UBA6: variants seen among roughly 807,000 people sequenced by gnomAD.
UBA6 encodes the protein ubiquitin-like modifier-activating enzyme 6.
Under a neutral mutation model 148.3 loss-of-function variants are expected in UBA6, and 87 were observed. That is an observed-to-expected ratio of 0.59 (90% confidence interval 0.49 to 0.70). UBA6 has a LOEUF of 0.70. UBA6 is among the 30% of genes least tolerant of loss of function. The probability of loss-of-function intolerance (pLI) is 0.00; values close to 1 mark genes in which losing one functional copy is unlikely to be tolerated. For synonymous variants in UBA6, 376 were observed against 401.0 expected, an observed-to-expected ratio of 0.94 and a Z score of 0.75; for missense variants, 1,186 against 1,241.2, an observed-to-expected ratio of 0.96 and a Z score of 0.67.
chr4:67,637,439 C>A (rs1270064650), intron 19 of UBA6, among the ~76,000 whole-genome samples: 2 of 152,144 alleles, frequency 1.3e-5, no homozygotes, highest in African/African-American at 4.8e-5. Context: ...GAGGTGTACC[C>A]AACAGCTCAT....
Position 67,614,596 on chromosome 4 carries a change from T to C in UBA6, c.*4401A>G, listed in dbSNP as rs1728591802. 6.6e-6 allele frequency: 1 copy of C among 152,152 alleles called. No homozygotes were observed. The highest frequency in any genetic ancestry group is 1.5e-5 in the Non-Finnish European group (1 of 68,028). 9.4% of individuals were successfully genotyped at this position (152,152 alleles called of 1,614,324 possible). On this transcript the variant is annotated 3_prime_UTR_variant, in exon 33 of 33. Transcript: ENST00000322244. ...ATTCCTCATGAAAAAAATTTAAATATGAAAGGCAAAACTAAAGCTTTAAGA... is the reference window on the plus strand; with the variant it reads ...ATTCCTCATGAAAAAAATTTAAATACGAAAGGCAAAACTAAAGCTTTAAGA...
chr4:67,680,542 T>G (rs1161492054), intron 4 of UBA6, among the ~76,000 whole-genome samples: 1 of 152,216 alleles, frequency 6.6e-6, no homozygotes, highest in Non-Finnish European at 1.5e-5. Flanking sequence ...CGAATTTTAC[T>G]TGGATCCTGA....
chr4:67,623,679 T>G (rs1207286286), intron 30 of UBA6, among the ~76,000 whole-genome samples: 1 of 152,188 alleles, frequency 6.6e-6, no homozygotes, highest in Non-Finnish European at 1.5e-5. Context: ...TTATAGTATT[T>G]TGTACTCTCA....
rs906684551 is a variant in UBA6 at position 67,660,965 on chromosome 4, T to C, written c.1104+1224A>G. 2.4e-4 allele frequency among the ~76,000 whole-genome samples: 36 copies of C among 152,188 alleles called. 1 individual carries two copies. The highest frequency in any genetic ancestry group is 6.8e-4 in the African/African-American group (28 of 41,452). ...TTTTGGAACCTTAAGATTTAATGAT[T>C]GCCCTATGGGATTTTATAGTGCATG... is the stretch of plus-strand genomic sequence containing the variant. On this transcript the variant is annotated intron_variant, in intron 13 of 32. Coordinates refer to ENST00000322244, the MANE Select transcript of UBA6 (RefSeq NM_018227.6).
intron 13 of UBA6, among the ~76,000 whole-genome samples, chr4:67,660,828 G>A (rs562858825): frequency 3.9e-5 from 6 of 152,306 alleles, no homozygotes; most frequent in Admixed American, 3.3e-4. Flanking sequence ...GAAAGCAGTC[G>A]GAAGGGGGGC....
chr4:67,631,180 T>C (rs1300749078), intron 25 of UBA6, among the ~76,000 whole-genome samples: 3 of 152,102 alleles, frequency 2.0e-5, no homozygotes, highest in Admixed American at 6.6e-5. Context: ...GGGCCACATA[T>C]GTGAGACCTT....
intron 10 of UBA6, among the ~76,000 whole-genome samples, chr4:67,664,334 A>C (rs987420407): frequency 1.3e-5 from 2 of 152,084 alleles, no homozygotes; most frequent in Non-Finnish European, 1.5e-5. Flanking sequence ...AAAAAAACCC[A>C]AAACACCCAC....
At chr4:67,631,270 T>C (rs1366357549) in intron 25 of UBA6, among the ~76,000 whole-genome samples, 3 of 152,152 alleles carry the variant, frequency 2.0e-5, no homozygotes, top group Non-Finnish European at 4.4e-5. Flanking sequence ...CTAATGTGTA[T>C]CTAATATAGT....
chr4:67,627,950 T>C (rs1728908632), intron 27 of UBA6, among the ~76,000 whole-genome samples: 1 of 151,480 alleles, frequency 6.6e-6, no homozygotes, highest in Non-Finnish European at 1.5e-5. Context: ...TTTTTTTTTT[T>C]TTTCAATGTA....
chr4:67,656,446 T>C (rs1468759036), intron 13 of UBA6, among the ~76,000 whole-genome samples: 2 of 152,196 alleles, frequency 1.3e-5, no homozygotes, highest in Non-Finnish European at 2.9e-5. Context: ...ATTATCTCAA[T>C]AGGTGCAGAA....
chr4:67,674,302 G>A (rs1730223389), intron 6 of UBA6, among the ~76,000 whole-genome samples: 1 of 152,112 alleles, frequency 6.6e-6, no homozygotes, highest in South Asian at 2.1e-4. Context: ...GTCTCACAAG[G>A]TATGCCATGA....
At chr4:67,688,025 T>C (rs1353029959) in intron 2 of UBA6, among the ~76,000 whole-genome samples, 1 of 152,188 alleles carries the variant, frequency 6.6e-6, no homozygotes, top group Admixed American at 6.5e-5. Flanking sequence ...AAAAGACTGG[T>C]ATTCCGGAAG....
At chr4:67,657,334 C>T (rs1407584760) in intron 13 of UBA6, among the ~76,000 whole-genome samples, 1 of 152,110 alleles carries the variant, frequency 6.6e-6, no homozygotes, top group Non-Finnish European at 1.5e-5. Flanking sequence ...CCAGAACAGA[C>T]ATAGAGACCA....
At chr4:67,626,839 T>C (rs1234884636) in intron 27 of UBA6, among the ~76,000 whole-genome samples, 1 of 151,952 alleles carries the variant, frequency 6.6e-6, no homozygotes, top group Non-Finnish European at 1.5e-5. Context: ...CATACTGATC[T>C]TTTTAAAAAT....
In UBA6 at chr4:67,668,674, C is replaced by T. The variant is rs10010188; in HGVS notation, c.670G>A (p.Ala224Thr). 230,963 of 1,608,384 alleles carry T rather than the reference C, an allele frequency of 0.14. 17,512 individuals are homozygous for T. The highest frequency in any genetic ancestry group is 0.24 in the Middle Eastern group (1,435 of 6,032). ...AGGCAAGTAACAATGCCAGGATTTG[C>T]CTAAAAATAAGAGTAATCTATTAAA... is the stretch of plus-strand genomic sequence containing the variant. ...KEIFISNITQANPGIVTCLEN... is the reference protein window; with the variant it reads ...KEIFISNITQTNPGIVTCLEN... Residue 224 changes from alanine (A) to threonine (T), a missense_variant and splice_region_variant, in exon 9 of 33, where the codon GCA becomes ACA. Coordinates refer to ENST00000322244, the MANE Select transcript of UBA6 (RefSeq NM_018227.6).
intron 2 of UBA6, among the ~76,000 whole-genome samples, chr4:67,683,364 C>T (rs1382429688): frequency 1.3e-5 from 2 of 152,112 alleles, no homozygotes; most frequent in Non-Finnish European, 2.9e-5. Flanking sequence ...TGGACTTATA[C>T]TGATGTCTGC....
At chr4:67,642,524 C>T (rs1729331380) in intron 17 of UBA6, among the ~76,000 whole-genome samples, 1 of 152,052 alleles carries the variant, frequency 6.6e-6, no homozygotes, top group Non-Finnish European at 1.5e-5. Flanking sequence ...ACTGCCCACA[C>T]AACCTAACAT....
chr4:67,653,288 A>G (rs1032659732), intron 13 of UBA6, among the ~76,000 whole-genome samples: 2 of 152,078 alleles, frequency 1.3e-5, no homozygotes, highest in Non-Finnish European at 2.9e-5. Context: ...GCCGACAGAC[A>G]CCTCATACAG....
chr4:67,630,606 C>G, intron 25 of UBA6, 71 bp from the exon 26 acceptor site: 1 of 925,350 alleles, frequency 1.1e-6, no homozygotes, highest in Non-Finnish European at 1.6e-6. Context: ...TCATTATGAA[C>G]TATAGCCTTT....
Sources: gnomAD v4.1 joint callset for allele counts (sites outside exome capture counted in the v4.1 genomes callset) on GRCh38, gnomAD v4.1.1 for gene constraint, MANE v1.5 for transcripts, NCBI Gene and HGNC (gene_info 2026-07-23, HGNC 2026-07-21) for gene names.